The following DPP10 variants were observed in gnomAD, a reference collection of about 807,000 sequenced individuals.
DPP10 encodes inactive dipeptidyl peptidase 10.
In DPP10, 33 loss-of-function variants were observed where a neutral mutation model predicts 120.9. The ratio of observed to expected loss-of-function variants is 0.27; its 90% CI spans 0.21 to 0.37. The LOEUF (loss-of-function observed/expected upper bound fraction) is 0.37. Ranked by LOEUF, DPP10 falls within the 10% of genes least tolerant of loss-of-function variation. DPP10 has a pLI of 1.00. For synonymous variants in DPP10, 337 were observed against 326.1 expected, an observed-to-expected ratio of 1.03 and a Z score of -0.36; for missense variants, 816 against 942.8, an observed-to-expected ratio of 0.87 and a Z score of 1.76.
chr2:115,224,084 A>G (rs2057314856), intron 1 of DPP10, among the ~76,000 whole-genome samples: 1 of 152,132 alleles, frequency 6.6e-6, no homozygotes, highest in African/African-American at 2.4e-5. Flanking sequence ...CTTTGAGTTT[A>G]TTGTCTATTA....
intron 19 of DPP10, among the ~76,000 whole-genome samples, chr2:115,808,198 A>C (rs188759216): frequency 4.3e-4 from 65 of 152,378 alleles, no homozygotes; most frequent in Admixed American, 9.1e-4. Flanking sequence ...CCGTGTAACT[A>C]TAATTCAAGC....
At chr2:115,555,232 A>G (rs1489241555) in intron 5 of DPP10, among the ~76,000 whole-genome samples, 1 of 152,114 alleles carries the variant, frequency 6.6e-6, no homozygotes, top group Non-Finnish European at 1.5e-5. Context: ...CTGGAAACTT[A>G]GAACATGTGT....
intron 3 of DPP10, among the ~76,000 whole-genome samples, chr2:115,358,389 A>T (rs1453562130): frequency 1.3e-5 from 2 of 152,110 alleles, no homozygotes; most frequent in African/African-American, 4.8e-5. Context: ...TCTTGTCTCC[A>T]TCTGAAACCA....
chr2:115,627,063 A>G (rs1390051172), intron 5 of DPP10, among the ~76,000 whole-genome samples: 1 of 152,178 alleles, frequency 6.6e-6, no homozygotes, highest in East Asian at 1.9e-4. Flanking sequence ...TATTGACCAC[A>G]TTTGGGGTAT....
intron 1 of DPP10, among the ~76,000 whole-genome samples, chr2:115,180,229 T>A (rs1163072032): frequency 6.6e-6 from 1 of 152,166 alleles, no homozygotes; most frequent in East Asian, 1.9e-4. Flanking sequence ...GGTACACTGA[T>A]AGAAATCAAC....
intron 1 of DPP10, among the ~76,000 whole-genome samples, chr2:115,252,621 G>A (rs1020184240): frequency 4.6e-5 from 7 of 152,090 alleles, no homozygotes; most frequent in East Asian, 3.9e-4. Context: ...CTATAGGAGC[G>A]GAAATCTAAT....
At chr2:114,797,437 C>A (rs1329703292) in intron 1 of DPP10, among the ~76,000 whole-genome samples, 1 of 152,134 alleles carries the variant, frequency 6.6e-6, no homozygotes, top group Non-Finnish European at 1.5e-5. Context: ...AGCCTCAATT[C>A]TACTTTTTAA....
rs181285668 is a variant in DPP10, at chr2:115,004,611, G to A, written c.61-304628G>A. ...CTAATCAAAGAAAGGGGTGATGGAC[G>A]GCACCTGGAAAATCGGGTCACTCCC... On this transcript the variant is annotated intron_variant, in intron 1 of 25. Transcript: ENST00000410059. Among the ~76,000 whole-genome samples, 66 of 152,040 alleles carry A rather than the reference G, an allele frequency of 4.3e-4. 1 individual carries two copies. The highest frequency in any genetic ancestry group is 1.7e-3 in the South Asian group (8 of 4,800).
At chr2:114,545,241 T>A (rs1687300141) in intron 1 of DPP10, among the ~76,000 whole-genome samples, 1 of 152,078 alleles carries the variant, frequency 6.6e-6, no homozygotes, top group Admixed American at 6.5e-5. Flanking sequence ...TTTTGTGTAT[T>A]TAATTACATT....
chr2:115,600,680 A>T (rs911454259), intron 5 of DPP10, among the ~76,000 whole-genome samples: 1 of 152,260 alleles, frequency 6.6e-6, no homozygotes, highest in Non-Finnish European at 1.5e-5. Flanking sequence ...AATTTGTAAG[A>T]GATGGCACCT....
intron 1 of DPP10, among the ~76,000 whole-genome samples, chr2:114,472,500 T>C (rs1470322657): frequency 6.6e-6 from 1 of 152,166 alleles, no homozygotes; most frequent in African/African-American, 2.4e-5. Flanking sequence ...TTGAGCTTTC[T>C]CAGAAAGTCA....
At chr2:115,509,445 C>T (rs572146984) in intron 4 of DPP10, among the ~76,000 whole-genome samples, 1 of 152,144 alleles carries the variant, frequency 6.6e-6, no homozygotes, top group South Asian at 2.1e-4. Context: ...GGGTGAGAAC[C>T]AGGTTTGAGC....
intron 3 of DPP10, among the ~76,000 whole-genome samples, chr2:115,494,399 T>A (rs1318905801): frequency 6.6e-6 from 1 of 152,166 alleles, no homozygotes; most frequent in Non-Finnish European, 1.5e-5. Flanking sequence ...TGCAATGAGA[T>A]CTTGAAGTAG....
intron 17 of DPP10, among the ~76,000 whole-genome samples, chr2:115,790,388 A>T (rs1265222823): frequency 6.6e-6 from 1 of 152,168 alleles, no homozygotes; most frequent in Non-Finnish European, 1.5e-5. Context: ...CTAGAAGGCT[A>T]TTTTTGTGAT....
intron 5 of DPP10, among the ~76,000 whole-genome samples, chr2:115,528,838 G>A (rs1191956524): frequency 6.6e-6 from 1 of 151,808 alleles, no homozygotes; most frequent in Non-Finnish European, 1.5e-5. Flanking sequence ...GAAGAGATTA[G>A]TAGTTTCCAG....
intron 1 of DPP10, among the ~76,000 whole-genome samples, chr2:114,455,075 G>T (rs188116303): frequency 6.6e-6 from 1 of 151,810 alleles, no homozygotes; most frequent in Non-Finnish European, 1.5e-5. Flanking sequence ...ATAATCACAT[G>T]GCTTTTATTC....
chr2:115,695,939 T>C (rs931216761), intron 7 of DPP10, among the ~76,000 whole-genome samples: 1 of 152,092 alleles, frequency 6.6e-6, no homozygotes, highest in African/African-American at 2.4e-5. Context: ...TAAAAAGTTC[T>C]AGAGCAAAAG....
At position 114,639,051 on chromosome 2, in the gene DPP10, C is replaced by T. The variant is rs141916241; in HGVS notation, c.60+196213C>T. Among the ~76,000 whole-genome samples the T allele has an allele frequency of 9.3e-3, 1,412 of 151,960 alleles. 55 individuals carry two copies. The highest frequency in any genetic ancestry group is 0.031 in the African/African-American group (1,290 of 41,260). ...TGTAGGAACACAAAACCAAATACTG[C>T]GTGTTCTCACTTATAGTGTATATTA... On this transcript the variant is annotated intron_variant, in intron 1 of 25. Coordinates refer to ENST00000410059, the MANE Select transcript of DPP10 (RefSeq NM_020868.6).
intron 1 of DPP10, among the ~76,000 whole-genome samples, chr2:115,260,414 G>A (rs1220699657): frequency 2.0e-5 from 3 of 152,080 alleles, no homozygotes; most frequent in African/African-American, 4.8e-5. Context: ...TCATGTGAAT[G>A]TATTTGCTGT....
Sources: allele counts gnomAD v4.1 joint callset (sites outside exome capture counted in the v4.1 genomes callset), GRCh38; gene constraint gnomAD v4.1.1; transcripts MANE v1.5; gene names NCBI Gene and HGNC (gene_info 2026-07-23, HGNC 2026-07-21).